ACSBG2: variants seen among roughly 807,000 people sequenced by gnomAD.
ACSBG2 encodes the protein long-chain-fatty-acid--CoA ligase ACSBG2.
ACSBG2 carries 62 observed loss-of-function variants against 74.7 expected under a neutral mutation model. The observed-to-expected ratio is 0.83, with a 90% CI of 0.68 to 1.03. The LOEUF is 1.03. Among genes scored for constraint, ACSBG2 ranks in the 50% least tolerant of loss-of-function variants. The probability of loss-of-function intolerance (pLI) is 0.00; values close to 1 mark genes in which losing one functional copy is unlikely to be tolerated. For missense variants in ACSBG2, 730 were observed against 817.6 expected (o/e 0.89, Z 1.31); for synonymous variants, 309 against 294.1 (o/e 1.05, Z -0.52).
rs890783104 is a variant in ACSBG2 at position 6,158,415 on chromosome 19, C to T, written c.507+1864C>T. 1.3e-5 allele frequency among the ~76,000 whole-genome samples: 2 copies of T among 149,606 alleles called. 1 individual carries two copies. The highest frequency in any genetic ancestry group is 4.9e-5 in the African/African-American group (2 of 40,546). On this transcript the variant is annotated intron_variant, in intron 5 of 14. Transcript: ENST00000588485. ...TTATCCAGTGAGTTTTATTTGTGTACAGTGAAATTTAGCTGCTGTCTTACG... is the reference window on the plus strand; with the variant it reads ...TTATCCAGTGAGTTTTATTTGTGTATAGTGAAATTTAGCTGCTGTCTTACG...
intron 7 of ACSBG2, among the ~76,000 whole-genome samples, chr19:6,166,541 T>G (rs1314241141): frequency 6.6e-6 from 1 of 152,188 alleles, no homozygotes; most frequent in Non-Finnish European, 1.5e-5. Context: ...CTTGAACTCC[T>G]GACCTCAGGT....
In ACSBG2 at chr19:6,177,440, G is replaced by A. The variant is rs150148771; in HGVS notation, c.906+44G>A. On this transcript the variant is annotated intron_variant, in intron 8 of 14. Transcript: ENST00000588485. ...CTGGGGCTCCGACTTCATCCTCTTGGGCAGCCCAGGTGAGTAGATGGTTGT... is the reference window on the plus strand; with the variant it reads ...CTGGGGCTCCGACTTCATCCTCTTGAGCAGCCCAGGTGAGTAGATGGTTGT... 23 of 1,533,674 alleles carry A rather than the reference G, an allele frequency of 1.5e-5. No individual in the cohort carries two copies. The African/African-American group carries it at 1.9e-4, about 13-fold the overall frequency.
intron 7 of ACSBG2, among the ~76,000 whole-genome samples, chr19:6,169,124 A>G (rs2089896380): frequency 6.6e-6 from 1 of 152,122 alleles, no homozygotes; most frequent in Non-Finnish European, 1.5e-5. Flanking sequence ...ATTTTCTCCT[A>G]TTCTGTAGGT....
chr19:6,160,404 AGAAAG>A (rs1249841006), intron 5 of ACSBG2, among the ~76,000 whole-genome samples: 2,808 of 145,284 alleles, frequency 0.019, 105 homozygotes, highest in African/African-American at 0.068. Context: ...AAAAAAAAAA[AGAAAG>A]AAAGAAAAGA....
chr19:6,140,224 C>CAAAAA, intron 1 of ACSBG2, among the ~76,000 whole-genome samples: 1 of 115,750 alleles, frequency 8.6e-6, no homozygotes. Flanking sequence ...GACTCCGTCT[C>CAAAAA]AAAAAAAAAA....
At chr19:6,190,806 C>G in intron 14 of ACSBG2, 114 bp downstream of exon 14, 1 of 526,676 alleles carries the variant, frequency 1.9e-6, no homozygotes, top group Non-Finnish European at 3.4e-6. Flanking sequence ...CACATACACA[C>G]ATACATACAC....
Position 6,187,720 on chromosome 19 carries a change from C to A in ACSBG2, c.1802C>A (p.Pro601His), listed in dbSNP as rs35609668. The change falls in exon 13 of 15, where the codon CCC becomes CAC. Residue 601 changes from proline (P) to histidine (H), a missense_variant. Pro to His is a moderately conservative substitution (Grantham distance 77). Transcript: ENST00000588485. ...TVTEIVKQQDPLVYKAIQQGI... is the reference protein window; with the variant it reads ...TVTEIVKQQDHLVYKAIQQGI... ...ACTGAGATTGTGAAGCAGCAAGACC[C>A]CCTGGTCTACAAGGCCATCCAGCAA... 1.2e-6 allele frequency: 2 copies of A among 1,614,102 alleles called. No homozygotes were observed. The highest frequency in any genetic ancestry group is 2.7e-5 in the African/African-American group (2 of 75,008).
intron 2 of ACSBG2, among the ~76,000 whole-genome samples, 162 bp from the exon 3 acceptor site, chr19:6,147,283 GA>G (rs1187856326): frequency 4.6e-5 from 7 of 152,122 alleles, no homozygotes; most frequent in Non-Finnish European, 8.8e-5. Flanking sequence ...TAAATAAAGA[GA>G]AAGGAAGCTT....
chr19:6,166,280 T>TTTTG (rs1555694318), intron 7 of ACSBG2, among the ~76,000 whole-genome samples: 53 of 119,148 alleles, frequency 4.4e-4, no homozygotes, highest in Non-Finnish European at 6.2e-4. Flanking sequence ...GTCAGGAAGG[T>TTTTG]TGTGTGTGTG....
chr19:6,177,474 C>T (rs942124000), intron 8 of ACSBG2, 78 bp downstream of exon 8: 67 of 1,458,422 alleles, frequency 4.6e-5, no homozygotes, highest in Non-Finnish European at 5.6e-5. Context: ...GTTAATCATT[C>T]GACAGATTTT....
intron 7 of ACSBG2, among the ~76,000 whole-genome samples, chr19:6,167,687 T>A (rs1224658692): frequency 6.6e-6 from 1 of 152,208 alleles, no homozygotes; most frequent in African/African-American, 2.4e-5. Flanking sequence ...CTGAGCAATA[T>A]CACGGGCCCA....
chr19:6,178,751 C>A (rs933045376), intron 8 of ACSBG2, among the ~76,000 whole-genome samples: 2 of 152,102 alleles, frequency 1.3e-5, no homozygotes, highest in African/African-American at 4.8e-5. Context: ...GTTGGGTACC[C>A]TAGAAGCAAA....
intron 7 of ACSBG2, among the ~76,000 whole-genome samples, chr19:6,169,458 TG>T (rs2089904457): frequency 6.6e-6 from 1 of 152,232 alleles, no homozygotes; most frequent in Non-Finnish European, 1.5e-5. Flanking sequence ...TGCCTATTTT[TG>T]TACCAGTACC....
chr19:6,178,623 C>T (rs2090155555), intron 8 of ACSBG2, among the ~76,000 whole-genome samples: 1 of 152,138 alleles, frequency 6.6e-6, no homozygotes, highest in Non-Finnish European at 1.5e-5. Flanking sequence ...CTCAGGTGAG[C>T]CTTGGCCTCC....
chr19:6,169,946 T>A (rs901992500), intron 7 of ACSBG2, among the ~76,000 whole-genome samples: 1 of 152,220 alleles, frequency 6.6e-6, no homozygotes, highest in Non-Finnish European at 1.5e-5. Context: ...TGAAACTTTA[T>A]TGAAGTCATT....
At chr19:6,185,706 C>T (rs1198420708) in intron 11 of ACSBG2, 53 bp downstream of exon 11, 1 of 1,590,468 alleles carries the variant, frequency 6.3e-7, no homozygotes, top group Non-Finnish European at 8.6e-7. Flanking sequence ...CCACCCTGAA[C>T]ATTTAAGGGC....
intron 13 of ACSBG2, among the ~76,000 whole-genome samples, chr19:6,188,251 C>T (rs1452510399): frequency 2.6e-5 from 4 of 152,184 alleles, no homozygotes; most frequent in Non-Finnish European, 5.9e-5. Flanking sequence ...GCCTCTTCCC[C>T]CTCAGAGCAG....
At chr19:6,166,073 C>T (rs1391213455) in intron 7 of ACSBG2, 58 bp downstream of exon 7, 1 of 1,603,026 alleles carries the variant, frequency 6.2e-7, no homozygotes, top group Non-Finnish European at 8.5e-7. Flanking sequence ...CTCTTGTTGG[C>T]TTCCAGGGGC....
At position 6,156,413 on chromosome 19, in the gene ACSBG2, T is replaced by A. The variant is rs1233149543; in HGVS notation, c.387-18T>A. 3 of 1,579,348 alleles carry A rather than the reference T, an allele frequency of 1.9e-6. No homozygotes were observed. In the African/African-American group the frequency reaches 4.1e-5, roughly 22 times the overall value. ...AGGTGTGTGTGGATGCACACACGAATTTGTTTTCTTTTCCCAGGGGTCTTT... is the reference window on the plus strand; with the variant it reads ...AGGTGTGTGTGGATGCACACACGAAATTGTTTTCTTTTCCCAGGGGTCTTT... On this transcript the variant is annotated intron_variant, in intron 4 of 14. Coordinates refer to ENST00000588485, the MANE Select transcript of ACSBG2 (RefSeq NM_030924.5).
Sources: gnomAD v4.1 joint callset for allele counts (sites outside exome capture counted in the v4.1 genomes callset) on GRCh38, gnomAD v4.1.1 for gene constraint, MANE v1.5 for transcripts, NCBI Gene and HGNC (gene_info 2026-07-23, HGNC 2026-07-21) for gene names.